Variants in TBC1D1 observed in about 807,000 individuals in gnomAD.
TBC1D1 encodes TBC1 domain family member 1, also known as TBC1 (tre-2/USP6, BUB2, cdc16) domain family, member 1.
In TBC1D1, 89 loss-of-function variants were observed where a neutral mutation model predicts 125.6. The observed-to-expected ratio is 0.71, with a 90% confidence interval of 0.60 to 0.85. TBC1D1 has a LOEUF of 0.85. TBC1D1 is among the 40% of genes least tolerant of loss of function. The probability of loss-of-function intolerance (pLI) is 0.00; values close to 1 mark genes in which losing one functional copy is unlikely to be tolerated. For synonymous variants in TBC1D1, 565 were observed against 564.1 expected (o/e 1.00, Z -0.02); for missense variants, 1,377 against 1,469.2 (o/e 0.94, Z 1.03).
At chr4:38,055,992 A>G (rs1237959663) in intron 12 of TBC1D1, among the ~76,000 whole-genome samples, 1 of 152,152 alleles carries the variant, frequency 6.6e-6, no homozygotes, top group East Asian at 1.9e-4. Context: ...GTCGCTTGGA[A>G]ATTTCTGCTC....
intron 2 of TBC1D1, chr4:38,007,039 C>T (rs1050577903): frequency 1.8e-4 from 72 of 390,328 alleles, no homozygotes; most frequent in Admixed American, 4.2e-4. Context: ...GTCGGCCTGG[C>T]GACTTCACCA....
intron 1 of TBC1D1, among the ~76,000 whole-genome samples, chr4:37,896,865 G>C (rs1236647078): frequency 6.6e-6 from 1 of 151,890 alleles, no homozygotes; most frequent in East Asian, 1.9e-4. Flanking sequence ...GAGATATGTA[G>C]CATAGCAGGA....
At chr4:37,960,774 A>G (rs1729860446) in intron 2 of TBC1D1, 9 of 1,614,076 alleles carry the variant, frequency 5.6e-6, no homozygotes, top group Non-Finnish European at 6.8e-6. Flanking sequence ...CTATCCAGAA[A>G]TAGAAAAATT....
intron 4 of TBC1D1, among the ~76,000 whole-genome samples, chr4:38,018,847 T>C (rs1743384531): frequency 1.3e-5 from 2 of 152,250 alleles, no homozygotes; most frequent in South Asian, 2.1e-4. Flanking sequence ...TGGGTACCAA[T>C]TGTCAGTATT....
intron 11 of TBC1D1, among the ~76,000 whole-genome samples, chr4:38,052,425 G>A (rs1750784853): frequency 6.6e-6 from 1 of 151,150 alleles, no homozygotes; most frequent in Non-Finnish European, 1.5e-5. Context: ...TCTGCCTTGT[G>A]GGTTCAAGCA....
chr4:38,048,951 T>C (rs1221651382), intron 10 of TBC1D1, among the ~76,000 whole-genome samples: 1 of 152,212 alleles, frequency 6.6e-6, no homozygotes, highest in Non-Finnish European at 1.5e-5. Context: ...AACTTATGTT[T>C]GTGTAACATT....
intron 6 of TBC1D1, among the ~76,000 whole-genome samples, chr4:38,022,230 TC>T (rs1744198181): frequency 6.6e-6 from 1 of 152,218 alleles, no homozygotes; most frequent in South Asian, 2.1e-4. Context: ...GACCAGTATT[TC>T]TAGAAACCTG....
chr4:37,921,707 AG>A (rs1340937971), intron 2 of TBC1D1, among the ~76,000 whole-genome samples: 3 of 151,904 alleles, frequency 2.0e-5, no homozygotes, highest in Admixed American at 1.3e-4. Flanking sequence ...CACTGCGTCC[AG>A]CCCATATATA....
chr4:37,962,101 T>C (rs1360672067), intron 2 of TBC1D1, among the ~76,000 whole-genome samples: 1 of 152,238 alleles, frequency 6.6e-6, no homozygotes, highest in Non-Finnish European at 1.5e-5. Context: ...CTCTGTTTTG[T>C]TCACTATGGT....
chr4:38,133,639 G>T (rs1403359891), intron 19 of TBC1D1, among the ~76,000 whole-genome samples: 2 of 152,166 alleles, frequency 1.3e-5, no homozygotes, highest in South Asian at 4.1e-4. Flanking sequence ...GGTCCACAGA[G>T]GGATGGTAAA....
At chr4:37,919,554 T>C (rs1377811972) in intron 2 of TBC1D1, among the ~76,000 whole-genome samples, 3 of 152,018 alleles carry the variant, frequency 2.0e-5, no homozygotes, top group Non-Finnish European at 4.4e-5. Context: ...CAACTACTCC[T>C]ATTTAAGACT....
Position 37,902,250 on chromosome 4 carries a change from G to T in TBC1D1, c.155G>T (p.Arg52Met). The T allele has an allele frequency of 6.2e-7, 1 of 1,614,110 alleles. No homozygotes were observed. Among genetic ancestry groups the T allele is most frequent in the Non-Finnish European group, 8.5e-7 (1 of 1,180,032 alleles). ...GTGGCTGAGGTGCGAAGACTCAGCAGGCAGTCCACCAGAAAGGAACCTGTA... is the reference window on the plus strand; with the variant it reads ...GTGGCTGAGGTGCGAAGACTCAGCATGCAGTCCACCAGAAAGGAACCTGTA... Residue 52 changes from arginine to methionine, a missense_variant, in exon 2 of 20, where the codon AGG (arginine) becomes ATG (methionine). Physicochemically the swap from Arg to Met is moderately conservative, Grantham distance 91 (BLOSUM62 -1). Around this residue, in one of 3 missense-constraint regions of TBC1D1, gnomAD observed 822 missense variants for 824.6 expected, o/e 1.00. Coordinates refer to ENST00000261439, the MANE Select transcript of TBC1D1 (RefSeq NM_015173.4).
intron 2 of TBC1D1, among the ~76,000 whole-genome samples, chr4:37,990,615 A>G (rs1323459623): frequency 6.6e-6 from 1 of 152,246 alleles, no homozygotes; most frequent in Non-Finnish European, 1.5e-5. Context: ...CTGAATTTCC[A>G]GGTGAAGGGA....
chr4:37,909,517 A>G (rs1317176231), intron 2 of TBC1D1, among the ~76,000 whole-genome samples: 1 of 152,098 alleles, frequency 6.6e-6, no homozygotes, highest in Non-Finnish European at 1.5e-5. Context: ...TGGCTGTTAT[A>G]TTTGCCGGCT....
chr4:37,900,896 A>C (rs2152222945), intron 1 of TBC1D1, among the ~76,000 whole-genome samples: 1 of 152,052 alleles, frequency 6.6e-6, no homozygotes, highest in Middle Eastern at 3.4e-3. Flanking sequence ...ACATGGTGAA[A>C]CCCCATCTCT....
chr4:38,071,359 A>G (rs949127809), intron 12 of TBC1D1, among the ~76,000 whole-genome samples: 12 of 152,174 alleles, frequency 7.9e-5, no homozygotes, highest in Non-Finnish European at 1.8e-4. Context: ...AGTTTGTTAT[A>G]TTTATAGTTT....
chr4:37,975,051 CCCGTGGTA>C (rs1267477762), intron 2 of TBC1D1, among the ~76,000 whole-genome samples: 1 of 152,136 alleles, frequency 6.6e-6, no homozygotes, highest in Non-Finnish European at 1.5e-5. Flanking sequence ...GACAGCTGGG[CCCGTGGTA>C]CCACTACCAC....
rs965760795 is a variant in TBC1D1 at position 37,977,817 on chromosome 4, G to T, written c.418-36692G>T. ...CCCGAACCCAGCAGGCGGCTCCTCC[G>T]GCCCCTGTCGCTCCCCGCGCCGCGG... On this transcript the variant is annotated intron_variant, in intron 2 of 19. Coordinates refer to ENST00000261439, the MANE Select transcript of TBC1D1 (RefSeq NM_015173.4). This position sits in a 1 kb window ranked among gnomAD's most constrained non-coding sequence, Gnocchi z 4.3. Among the ~76,000 whole-genome samples the T allele has an allele frequency of 8.5e-5, 13 of 152,084 alleles. No individual in the cohort carries two copies. The highest frequency in any genetic ancestry group is 2.9e-4 in the African/African-American group (12 of 41,438).
At chr4:38,024,379 G>A (rs1444069780) in intron 6 of TBC1D1, among the ~76,000 whole-genome samples, 2 of 152,214 alleles carry the variant, frequency 1.3e-5, no homozygotes, top group South Asian at 2.1e-4. Context: ...CGATCTGCAG[G>A]AACTGGAATG....
Sources: gnomAD v4.1 joint callset for allele counts (sites outside exome capture counted in the v4.1 genomes callset) on GRCh38, gnomAD v4.1.1 for gene constraint, gnomAD v4.1.1 regional missense constraint, Gnocchi (gnomAD v3.1) non-coding constraint, MANE v1.5 for transcripts, NCBI Gene and HGNC (gene_info 2026-07-23, HGNC 2026-07-21) for gene names.